CALN1: variants seen among roughly 807,000 people sequenced by gnomAD.
CALN1 encodes the protein calcium-binding protein 8.
Under a neutral mutation model 30.6 loss-of-function variants are expected in CALN1, and 17 were observed. That is an observed-to-expected ratio of 0.56 (90% CI 0.38 to 0.83). The LOEUF (loss-of-function observed/expected upper bound fraction) is 0.83. Ranked by LOEUF, CALN1 falls within the 40% of genes least tolerant of loss-of-function variation. The pLI, the probability that CALN1 is intolerant of heterozygous loss-of-function variation, is 0.00. For synonymous variants in CALN1, 156 were observed against 131.4 expected (o/e 1.19, Z -1.28); for missense variants, 291 against 354.9 (o/e 0.82, Z 1.45).
At chr7:72,456,852 AT>A in the CALN1 span, among the ~76,000 whole-genome samples, 3 of 152,106 alleles carry the variant, frequency 2.0e-5, no homozygotes, top group Admixed American at 6.6e-5. Context: ...GTCTAAAAAA[AT>A]AAACATAAAT....
At chr7:71,864,551 G>A (rs529999583) in intron 5 of CALN1, among the ~76,000 whole-genome samples, 1 of 152,238 alleles carries the variant, frequency 6.6e-6, no homozygotes, top group East Asian at 1.9e-4. Context: ...GCTCCAAATA[G>A]GCATCCCAAT....
intron 5 of CALN1, among the ~76,000 whole-genome samples, chr7:71,997,882 G>A (rs1228068711): frequency 3.9e-5 from 6 of 152,196 alleles, no homozygotes; most frequent in African/African-American, 1.4e-4. Context: ...GTGCAATGGT[G>A]TGATCTCAGC....
chr7:72,483,280 C>CTTTTTTTTTTTTTT, the CALN1 span, among the ~76,000 whole-genome samples: 22 of 100,102 alleles, frequency 2.2e-4, no homozygotes, highest in Non-Finnish European at 2.9e-4. Flanking sequence ...TTTTCTTTTT[C>CTTTTTTTTTTTTTT]TTTTTTTTTT....
At chr7:72,438,997 G>A (rs192290099) in intron 1 of CALN1, among the ~76,000 whole-genome samples, 5 of 152,278 alleles carry the variant, frequency 3.3e-5, no homozygotes, top group Admixed American at 6.5e-5. Flanking sequence ...GGTTAGGGGT[G>A]CTGCTCCCCC....
chr7:72,477,202 C>G, the CALN1 span, among the ~76,000 whole-genome samples: 1 of 136,892 alleles, frequency 7.3e-6, no homozygotes, highest in Admixed American at 6.9e-5. Flanking sequence ...CAGAGCAAGA[C>G]TGTCTCAACA....
rs73143250 is a variant in CALN1, at chr7:72,240,031, T to C, written c.244+38655A>G. ...CTTACAACCAGCTCATTTTGCTGGG[T>C]AAACAACTCAACAATCCTGGAGAGA... On this transcript the variant is annotated intron_variant, in intron 3 of 6. Transcript: ENST00000395275. Among the ~76,000 whole-genome samples the C allele has an allele frequency of 4.7e-3, 721 of 152,246 alleles. 6 individuals are homozygous for C. The highest frequency in any genetic ancestry group is 8.2e-3 in the Non-Finnish European group (561 of 68,028).
chr7:72,438,733 T>C (rs1312560882), intron 1 of CALN1, among the ~76,000 whole-genome samples: 1 of 152,196 alleles, frequency 6.6e-6, no homozygotes, highest in African/African-American at 2.4e-5. Flanking sequence ...CTTCATCTCG[T>C]TGGCATTTAA....
chr7:71,996,557 T>C (rs891848889), intron 5 of CALN1, among the ~76,000 whole-genome samples: 2 of 152,220 alleles, frequency 1.3e-5, no homozygotes, highest in South Asian at 2.1e-4. Context: ...GCAAAGGACA[T>C]GATCTCATTC....
chr7:72,099,433 G>A (rs956068622), intron 4 of CALN1, among the ~76,000 whole-genome samples: 4 of 151,734 alleles, frequency 2.6e-5, no homozygotes, highest in Admixed American at 2.0e-4. Context: ...TTACAGAAGC[G>A]AGGAAGGAAG....
intron 5 of CALN1, among the ~76,000 whole-genome samples, chr7:71,958,743 T>TAA (rs1797095555): frequency 6.6e-6 from 1 of 152,180 alleles, no homozygotes; most frequent in African/African-American, 2.4e-5. Context: ...CTAGCCACAT[T>TAA]ATGTGGTCTC....
At chr7:72,116,241 G>C (rs1004114005) in intron 3 of CALN1, among the ~76,000 whole-genome samples, 1 of 152,134 alleles carries the variant, frequency 6.6e-6, no homozygotes, top group African/African-American at 2.4e-5. Flanking sequence ...CAGTCCTGAA[G>C]GCACTTCCTG....
rs1799003447 is a variant in CALN1, at chr7:71,992,432, C to G, written c.501+31225G>C. On this transcript the variant is annotated intron_variant, in intron 5 of 6. Coordinates refer to ENST00000395275, the MANE Select transcript of CALN1 (RefSeq NM_031468.4). ...GATGCAGTGGTGCAATCATGGCTCA[C>G]TGCAGCCTCAAACTCCTTGGCTTGA... Among the ~76,000 whole-genome samples the G allele has an allele frequency of 2.6e-5, 4 of 152,316 alleles. No homozygotes were observed. The South Asian group carries it at 8.3e-4, about 32-fold the overall frequency.
intron 4 of CALN1, among the ~76,000 whole-genome samples, chr7:72,079,499 G>A (rs10215588): frequency 0.48 from 72,546 of 151,944 alleles, 17,670 homozygotes; most frequent in East Asian, 0.72. Context: ...GTTGGTACGA[G>A]AGTAATTGGT....
At chr7:72,383,751 T>C (rs1585626905) in intron 2 of CALN1, among the ~76,000 whole-genome samples, 1 of 152,182 alleles carries the variant, frequency 6.6e-6, no homozygotes, top group African/African-American at 2.4e-5. Flanking sequence ...GTAAAGAGAA[T>C]AAGCAATGAT....
At chr7:71,984,942 C>A (rs775637756) in intron 5 of CALN1, among the ~76,000 whole-genome samples, 2 of 152,118 alleles carry the variant, frequency 1.3e-5, no homozygotes, top group Non-Finnish European at 1.5e-5. Context: ...GATGGAAGTT[C>A]TTTCTCTCTC....
At chr7:72,104,679 C>T (rs1414914612) in intron 4 of CALN1, among the ~76,000 whole-genome samples, 1 of 152,074 alleles carries the variant, frequency 6.6e-6, no homozygotes, top group Non-Finnish European at 1.5e-5. Context: ...ACAATTTAGG[C>T]CGGGCGCGCT....
chr7:71,885,653 T>A (rs776813256), intron 5 of CALN1, among the ~76,000 whole-genome samples: 9 of 152,242 alleles, frequency 5.9e-5, no homozygotes, highest in Non-Finnish European at 1.3e-4. Context: ...GTCTTTCTTT[T>A]GGGAGTGAGT....
At chr7:72,126,599 C>G (rs1370922194) in intron 3 of CALN1, among the ~76,000 whole-genome samples, 1 of 152,134 alleles carries the variant, frequency 6.6e-6, no homozygotes, top group Non-Finnish European at 1.5e-5. Flanking sequence ...TCTTTTACCC[C>G]TCACCCCTTT....
chr7:71,932,278 C>T lies in CALN1; in HGVS notation c.501+91379G>A, dbSNP rs148017345. ...GCAACCCCCAACTCTTGCGCTGAAG[C>T]GATCTTCCCACCTTAACCTCCTGAG... On this transcript the variant is annotated intron_variant, in intron 5 of 6. Transcript: ENST00000395275. Among the ~76,000 whole-genome samples, 320 of 152,220 alleles carry T rather than the reference C, an allele frequency of 2.1e-3. 2 individuals carry two copies. Among genetic ancestry groups the T allele is most frequent in the African/African-American group, 7.1e-3 (295 of 41,548 alleles).
Sources: allele counts gnomAD v4.1 joint callset (sites outside exome capture counted in the v4.1 genomes callset), GRCh38; gene constraint gnomAD v4.1.1; transcripts MANE v1.5; gene names NCBI Gene and HGNC (gene_info 2026-07-23, HGNC 2026-07-21).